Variants in ZNF141 observed in about 807,000 individuals in gnomAD.
The protein encoded by ZNF141 is zinc finger protein 141.
A neutral mutation model predicts 11.3 loss-of-function variants in ZNF141; 7 were observed. The observed-to-expected ratio is 0.62, with a 90% CI of 0.35 to 1.16. The LOEUF is 1.16. Among genes scored for constraint, ZNF141 ranks in the 50% most tolerant of loss-of-function variants. ZNF141 has a pLI of 0.02. For synonymous variants in ZNF141, 183 were observed against 190.7 expected (o/e 0.96, Z 0.33); for missense variants, 535 against 554.0 (o/e 0.97, Z 0.34).
In ZNF141 at chr4:337,919, C is replaced by G. The variant is rs1297197600; in HGVS notation, c.-65C>G. 2 of 1,605,880 alleles carry G rather than the reference C, an allele frequency of 1.2e-6. No homozygotes were observed. The highest frequency in any genetic ancestry group is 1.3e-5 in the African/African-American group (1 of 74,728). ...TTCGGCCACAGCTCAGCCTCCGTCG[C>G]TCTGTGACCTGCGGGTATTGGATGA... On this transcript the variant is annotated 5_prime_UTR_variant, in exon 1 of 4. Coordinates refer to ENST00000240499, the MANE Select transcript of ZNF141 (RefSeq NM_003441.4).
chr4:372,815 GA>G lies in ZNF141; in HGVS notation c.381del (p.Gly128GlufsTer59), dbSNP rs1553853766. ...AAAGTTTGAATGAGTGTAAGTTGCA[GA>G]AAGGAGGTTATAATGAATTTAATGA... ...CKSLNECKLQ[K>X]GGYNEFNECL... On this transcript the variant is annotated frameshift_variant, in exon 4 of 4. Transcript: ENST00000240499. LOFTEE classifies it low-confidence loss of function (END_TRUNC). The G allele has an allele frequency of 6.2e-7, 1 of 1,613,810 alleles. No individual in the cohort carries two copies. Among genetic ancestry groups the G allele is most frequent in the Admixed American group, 1.7e-5 (1 of 59,960 alleles).
Position 374,295 on chromosome 4 carries a change from G to T in ZNF141, c.*433G>T, listed in dbSNP as rs1712251570. The stretch of plus-strand genomic sequence containing the variant: ...CATGCTGGAGAGAAACTTCACATGT[G>T]AACCGTGTGGCAAAGCCTTTAAATG... On this transcript the variant is annotated 3_prime_UTR_variant, in exon 4 of 4. Coordinates refer to ENST00000240499, the MANE Select transcript of ZNF141 (RefSeq NM_003441.4). 6.6e-6 allele frequency: 2 copies of T among 303,726 alleles called. No individual in the cohort carries two copies. The highest frequency in any genetic ancestry group is 2.2e-5 in the African/African-American group (1 of 45,256). 18.8% of individuals were successfully genotyped at this position (303,726 alleles called of 1,614,324 possible). A position where few individuals can be genotyped will look rare whatever the true frequency, so the allele number is the denominator to read the frequency against.
intron 3 of ZNF141, 34 bp downstream of exon 3, chr4:344,464 C>A (rs1721220998): frequency 6.4e-7 from 1 of 1,570,126 alleles, no homozygotes; most frequent in East Asian, 2.3e-5. Flanking sequence ...AGGGCACAGG[C>A]AAGGGGACCA....
chr4:338,058 C>G, intron 1 of ZNF141, 72 bp downstream of exon 1: 1 of 1,601,804 alleles, frequency 6.2e-7, no homozygotes, highest in Non-Finnish European at 8.5e-7. Context: ...GGCGGCGGGA[C>G]CGAGTCTGCG....
At chr4:369,764 A>ATGTTTTTT in intron 3 of ZNF141, among the ~76,000 whole-genome samples, 19 of 48,724 alleles carry the variant, frequency 3.9e-4, no homozygotes, top group Non-Finnish European at 5.5e-4. Context: ...ATATATATAT[A>ATGTTTTTT]TTTTTTTTTT....
At chr4:340,208 C>T (rs1377829425) in intron 1 of ZNF141, among the ~76,000 whole-genome samples, 2 of 152,218 alleles carry the variant, frequency 1.3e-5, no homozygotes, top group African/African-American at 2.4e-5. Context: ...CACCAGGCTT[C>T]GTTTTAGAGA....
At chr4:367,430 C>T (rs144437008) in intron 3 of ZNF141, among the ~76,000 whole-genome samples, 1 of 151,904 alleles carries the variant, frequency 6.6e-6, no homozygotes, top group African/African-American at 2.4e-5. Flanking sequence ...ACTTTTGCGA[C>T]TTGAAGATAA....
At chr4:345,574 C>G (rs1343246315) in intron 3 of ZNF141, among the ~76,000 whole-genome samples, 1 of 151,688 alleles carries the variant, frequency 6.6e-6, no homozygotes, top group Non-Finnish European at 1.5e-5. Flanking sequence ...ACTAAAAATA[C>G]AAAATTAGCT....
rs782325250 is a variant in ZNF141 at position 373,255 on chromosome 4, A to T, written c.818A>T (p.His273Leu). The T allele has an allele frequency of 6.2e-7, 1 of 1,613,988 alleles. No individual in the cohort carries two copies. Among genetic ancestry groups the T allele is most frequent in the African/African-American group, 1.3e-5 (1 of 74,944 alleles). Residue 273 changes from histidine (H) to leucine (L), a missense_variant, in exon 4 of 4, where the codon CAT becomes CTT. Transcript: ENST00000240499. ...AATAGGTTCACAACCCTTACTAAAC[A>T]TAAGAGAATTCATGCTGGAGAGAAA... ...AFNRFTTLTK[H>L]KRIHAGEKPI...
At chr4:350,035 C>G in intron 3 of ZNF141, 1 of 460,610 alleles carries the variant, frequency 2.2e-6, no homozygotes, top group Non-Finnish European at 4.5e-6. Flanking sequence ...CCAGGATATA[C>G]AGGCCTGCCT....
At chr4:362,632 G>A (rs574300430) in intron 3 of ZNF141, among the ~76,000 whole-genome samples, 1 of 152,272 alleles carries the variant, frequency 6.6e-6, no homozygotes, top group East Asian at 1.9e-4. Flanking sequence ...TATTAAATAG[G>A]GAGTCCTTCC....
chr4:339,205 G>A (rs576600816), intron 1 of ZNF141, among the ~76,000 whole-genome samples: 2 of 152,338 alleles, frequency 1.3e-5, no homozygotes, highest in African/African-American at 4.8e-5. Context: ...GTGCCCAGAA[G>A]ACTCCTGGTT....
rs1478072611 is a variant in ZNF141, at chr4:382,841, G to T, written c.*8979G>T. On this transcript the variant is annotated 3_prime_UTR_variant, in exon 4 of 4. Transcript: ENST00000240499. ...CGTTGATCCTGAGTCCCAGCCAGCT[G>T]CTTAGTAGCTGTGGGATAGTTACAC... The T allele has an allele frequency of 2.7e-5, 8 of 297,598 alleles. No homozygotes were observed. The highest frequency in any genetic ancestry group is 5.0e-5 in the Non-Finnish European group (8 of 158,940). 18.4% of individuals were successfully genotyped at this position (297,598 alleles called of 1,614,324 possible). A position where few individuals can be genotyped will look rare whatever the true frequency, so the allele number is the denominator to read the frequency against.
chr4:362,469 A>G (rs1369676617), intron 3 of ZNF141, among the ~76,000 whole-genome samples: 7 of 152,164 alleles, frequency 4.6e-5, no homozygotes, highest in African/African-American at 1.7e-4. Context: ...TGTGTCCTAA[A>G]TGGTATTGCC....
At position 337,995 on chromosome 4, in the gene ZNF141, GC is replaced by G. The variant is rs1581572221; in HGVS notation, c.3+10del. 1.9e-6 allele frequency: 3 copies of G among 1,613,322 alleles called. No homozygotes were observed. The highest frequency in any genetic ancestry group is 2.7e-5 in the African/African-American group (2 of 75,054). ...TCAGAAGTGGGGAAATGGTGAGTGT[GC>G]GGGGCAGGGCGTCCCAAGGCTGAGG... On this transcript the variant is annotated intron_variant, in intron 1 of 3. Coordinates refer to ENST00000240499, the MANE Select transcript of ZNF141 (RefSeq NM_003441.4).
chr4:351,680 G>A (rs919634573), intron 3 of ZNF141, among the ~76,000 whole-genome samples: 1 of 152,094 alleles, frequency 6.6e-6, no homozygotes, highest in African/African-American at 2.4e-5. Flanking sequence ...GAATAACCTT[G>A]ACTGGGAATC....
At chr4:350,916 CTT>C (rs35754231) in intron 3 of ZNF141, among the ~76,000 whole-genome samples, 2 of 140,152 alleles carry the variant, frequency 1.4e-5, no homozygotes, top group Admixed American at 7.1e-5. Context: ...ATTTTTTGTA[CTT>C]TTTTTTTTTT....
chr4:358,203 T>TTA, intron 3 of ZNF141: 4 of 385,986 alleles, frequency 1.0e-5, no homozygotes, highest in South Asian at 5.7e-5. Context: ...TTTTTTTTTT[T>TTA]AAAGATGGAG....
chr4:344,453 G>A, intron 3 of ZNF141, 23 bp downstream of exon 3: 1 of 1,591,608 alleles, frequency 6.3e-7, no homozygotes, highest in Non-Finnish European at 8.6e-7. Flanking sequence ...GAATGGAGGA[G>A]AGGGCACAGG....
Sources: gnomAD v4.1 joint callset for allele counts (sites outside exome capture counted in the v4.1 genomes callset) on GRCh38, gnomAD v4.1.1 for gene constraint, MANE v1.5 for transcripts, NCBI Gene and HGNC (gene_info 2026-07-23, HGNC 2026-07-21) for gene names.